The following GIMAP7 variants were observed in gnomAD, a reference collection of about 807,000 sequenced individuals.
GIMAP7 encodes the protein GTPase, IMAP family member 7, also known as GTPase IMAP family member 7.
For synonymous variants in GIMAP7, 137 were observed against 129.3 expected (o/e 1.06, Z -0.40); for missense variants, 323 against 359.7 (o/e 0.90, Z 0.83).
At chr7:150,519,478 T>C (rs1484511765) in intron 1 of GIMAP7, among the ~76,000 whole-genome samples, 1 of 152,188 alleles carries the variant, frequency 6.6e-6, no homozygotes, top group Non-Finnish European at 1.5e-5. Context: ...TTAATCACAG[T>C]CTATTATTTA....
At chr7:150,518,072 T>C (rs1036148130) in intron 1 of GIMAP7, among the ~76,000 whole-genome samples, 7 of 152,162 alleles carry the variant, frequency 4.6e-5, no homozygotes, top group Non-Finnish European at 1.0e-4. Context: ...TATATAGATA[T>C]ATTTCTCATT....
intron 1 of GIMAP7, 114 bp from the exon 2 acceptor site, chr7:150,519,820 T>A (rs1795168488): frequency 1.6e-6 from 1 of 615,032 alleles, no homozygotes; most frequent in Non-Finnish European, 2.8e-6. Flanking sequence ...GTGATTAATA[T>A]GGATAATAGG....
Position 150,520,196 on chromosome 7 carries a change from G to C in GIMAP7, c.222G>C (p.Leu74=). 1 of 1,614,122 alleles carries C rather than the reference G, an allele frequency of 6.2e-7. No homozygotes were observed. The highest frequency in any genetic ancestry group is 8.5e-7 in the Non-Finnish European group (1 of 1,179,992). ...GGCTCTTTGACACCAAGGAGAGCCT[G>C]GACACCACCTGCAAGGAAATCAGCC... ...TPGLFDTKES[L]DTTCKEISRC... is the part of the protein sequence containing the mutation. Residue 74 remains leucine (L), a synonymous_variant, in exon 2 of 2, where the codon CTG becomes CTC. Coordinates refer to ENST00000313543, the MANE Select transcript of GIMAP7 (RefSeq NM_153236.4).
intron 1 of GIMAP7, among the ~76,000 whole-genome samples, chr7:150,516,495 T>C (rs775749731): frequency 9.2e-5 from 14 of 152,228 alleles, no homozygotes; most frequent in Admixed American, 3.3e-4. Context: ...TAAAAACATT[T>C]CCACAATTTC....
intron 1 of GIMAP7, among the ~76,000 whole-genome samples, chr7:150,516,939 T>A (rs1183786158): frequency 6.6e-6 from 1 of 152,206 alleles, no homozygotes; most frequent in African/African-American, 2.4e-5. Context: ...CCTCTCTTTT[T>A]GTGATGTTAG....
intron 1 of GIMAP7, among the ~76,000 whole-genome samples, chr7:150,516,004 G>C (rs941996551): frequency 6.6e-6 from 1 of 152,356 alleles, no homozygotes; most frequent in East Asian, 1.9e-4. Flanking sequence ...GCACGGTTAA[G>C]AGTGAGCATG....
Position 150,520,756 on chromosome 7 carries a change from TAAAA to T in GIMAP7, c.785_788del (p.Lys262IlefsTer2). On this transcript the variant is annotated frameshift_variant, in exon 2 of 2. Transcript: ENST00000313543. LOFTEE classifies it low-confidence loss of function (END_TRUNC). ...CTAAAATTAAAATATGATGAAAAAA[TAAAA>T]AATATAAGGGAAGAAGCTGAGAGAA... 2 of 1,500,968 alleles carry T rather than the reference TAAAA, an allele frequency of 1.3e-6. No individual in the cohort carries two copies. Among genetic ancestry groups the T allele is most frequent in the South Asian group, 2.5e-5 (2 of 80,030 alleles). 93.0% of individuals were successfully genotyped at this position (1,500,968 alleles called of 1,614,324 possible). A position where few individuals can be genotyped will look rare whatever the true frequency, so the allele number is the denominator to read the frequency against.
intron 1 of GIMAP7, 114 bp from the exon 2 acceptor site, chr7:150,519,820 T>C: frequency 1.6e-6 from 1 of 615,150 alleles, no homozygotes; most frequent in Non-Finnish European, 2.8e-6. Flanking sequence ...GTGATTAATA[T>C]GGATAATAGG....
rs191053202 is a variant in GIMAP7, at chr7:150,517,743, A to C, written c.-41-2191A>C. On this transcript the variant is annotated intron_variant, in intron 1 of 1. Coordinates refer to ENST00000313543, the MANE Select transcript of GIMAP7 (RefSeq NM_153236.4). ...ACTTTTACTGGTGTTTTAAAATATA[A>C]TTTTTATTGTATAATTATGTAAACT... is the stretch of plus-strand genomic sequence containing the variant. Among the ~76,000 whole-genome samples the C allele has an allele frequency of 4.0e-3, 602 of 152,182 alleles. 44 individuals carry two copies. The South Asian group carries it at 0.12, about 30-fold the overall frequency.
chr7:150,515,945 G>GA (rs1230836798), intron 1 of GIMAP7, among the ~76,000 whole-genome samples: 1 of 152,192 alleles, frequency 6.6e-6, no homozygotes, highest in Admixed American at 6.5e-5. Context: ...CCATGTCAAT[G>GA]AAAATTTAGA....
rs1356663912 is a variant in GIMAP7 at position 150,520,148 on chromosome 7, C to T, written c.174C>T (p.Asp58=). Reference sequence around the variant, plus strand: ...CATCCCGGGAATGGCAGGGGAGAGACCTTCTTGTTGTAGACACTCCAGGGC... The same window carrying T: ...CATCCCGGGAATGGCAGGGGAGAGATCTTCTTGTTGTAGACACTCCAGGGC... ...QKASREWQGR[D]LLVVDTPGLF... The change falls in exon 2 of 2, where the codon GAC becomes GAT. Residue 58 remains aspartate (D), a synonymous_variant. Coordinates refer to ENST00000313543, the MANE Select transcript of GIMAP7 (RefSeq NM_153236.4). 9 of 1,613,994 alleles carry T rather than the reference C, an allele frequency of 5.6e-6. No homozygotes were observed. Among genetic ancestry groups the T allele is most frequent in the Non-Finnish European group, 7.6e-6 (9 of 1,180,010 alleles).
chr7:150,520,824 C>A lies in GIMAP7; in HGVS notation c.850C>A (p.Leu284Ile). The A allele has an allele frequency of 6.6e-7, 1 of 1,507,074 alleles. No homozygotes were observed. The highest frequency in any genetic ancestry group is 8.9e-7 in the Non-Finnish European group (1 of 1,127,248). The allele number at this position is 1,507,074 out of a possible 1,614,324, so 93.4% of individuals were successfully genotyped here. A position where few individuals can be genotyped will look rare whatever the true frequency, so the allele number is the denominator to read the frequency against. Residue 284 changes from leucine (L) to isoleucine (I), a missense_variant, in exon 2 of 2, where the codon CTT (leucine) becomes ATT (isoleucine). By Grantham distance (5) the Leu-to-Ile change is conservative. Coordinates refer to ENST00000313543, the MANE Select transcript of GIMAP7 (RefSeq NM_153236.4). ...TGTTTTTAATAGGATTTGGAAGATG[C>A]TTTCAGAAATATGGCATAGGTTTTT... ...KDVFNRIWKM[L>I]SEIWHRFLSK...
chr7:150,515,338 G>A (rs1795123581), intron 1 of GIMAP7, among the ~76,000 whole-genome samples: 1 of 152,152 alleles, frequency 6.6e-6, no homozygotes, highest in South Asian at 2.1e-4. Flanking sequence ...CAATCCCAGA[G>A]ATTTTGATGA....
Position 150,521,012 on chromosome 7 carries a change from A to AC in GIMAP7, c.*135_*136insC. Reference sequence around the variant, plus strand: ...GTTTAATGTATATAATGTGATTTTTAAATATATATATATATATACACACAT... The same window carrying AC: ...GTTTAATGTATATAATGTGATTTTTACAATATATATATATATATACACACAT... On this transcript the variant is annotated 3_prime_UTR_variant, in exon 2 of 2. Coordinates refer to ENST00000313543, the MANE Select transcript of GIMAP7 (RefSeq NM_153236.4). 4.0e-6 allele frequency: 1 copy of AC among 248,534 alleles called. No individual in the cohort carries two copies. Among genetic ancestry groups the AC allele is most frequent in the Admixed American group, 6.6e-5 (1 of 15,176 alleles). The allele number at this position is 248,534 out of a possible 1,614,324, so 15.4% of individuals were successfully genotyped here. A position where few individuals can be genotyped will look rare whatever the true frequency, so the allele number is the denominator to read the frequency against.
chr7:150,521,013 A>AATATATATAT lies in GIMAP7; in HGVS notation c.*144_*153dup, dbSNP rs60687169. 4.0e-3 allele frequency: 966 copies of AATATATATAT among 238,886 alleles called. 6 individuals carry two copies. The highest frequency in any genetic ancestry group is 0.018 in the African/African-American group (667 of 37,346). 14.8% of individuals were successfully genotyped at this position (238,886 alleles called of 1,614,324 possible). A position where few individuals can be genotyped will look rare whatever the true frequency, so the allele number is the denominator to read the frequency against. On this transcript the variant is annotated 3_prime_UTR_variant, in exon 2 of 2. Transcript: ENST00000313543. ...TTTAATGTATATAATGTGATTTTTA[A>AATATATATAT]ATATATATATATATATACACACATT... is the stretch of plus-strand genomic sequence containing the variant.
intron 1 of GIMAP7, among the ~76,000 whole-genome samples, chr7:150,515,342 T>G (rs1438475990): frequency 6.6e-6 from 1 of 152,146 alleles, no homozygotes; most frequent in Non-Finnish European, 1.5e-5. Flanking sequence ...CCCAGAGATT[T>G]TGATGATTCT....
chr7:150,520,400 C>T lies in GIMAP7; in HGVS notation c.426C>T (p.Phe142=). The T allele has an allele frequency of 6.2e-7, 1 of 1,614,210 alleles. No individual in the cohort carries two copies. Among genetic ancestry groups the T allele is most frequent in the African/African-American group, 1.3e-5 (1 of 75,046 alleles). Residue 142 remains phenylalanine (F), a synonymous_variant, in exon 2 of 2, where the codon TTC becomes TTT. Transcript: ENST00000313543. ...TRKEELEGQS[F]HDFIADADVG... Reference sequence around the variant, plus strand: ...AAGAAGAGTTGGAGGGCCAGAGCTTCCATGACTTCATAGCAGATGCGGATG... The same window carrying T: ...AAGAAGAGTTGGAGGGCCAGAGCTTTCATGACTTCATAGCAGATGCGGATG...
chr7:150,520,540 T>G lies in GIMAP7; in HGVS notation c.566T>G (p.Ile189Arg). Residue 189 changes from isoleucine (I) to arginine (R), a missense_variant, in exon 2 of 2, where the codon ATA becomes AGA. By Grantham distance (97) the Ile-to-Arg change is moderately conservative. Transcript: ENST00000313543. Reference sequence around the variant, plus strand: ...CAAGTGCAGGAGTTGGTGGAGCTGATAGAGAAAATGGTGCAGTGCAACGAA... The same window carrying G: ...CAAGTGCAGGAGTTGGTGGAGCTGAGAGAGAAAATGGTGCAGTGCAACGAA... Reference protein sequence around the residue: ...ESQVQELVELIEKMVQCNEGA... With the variant: ...ESQVQELVELREKMVQCNEGA... 3 of 1,614,082 alleles carry G rather than the reference T, an allele frequency of 1.9e-6. No homozygotes were observed. Among genetic ancestry groups the G allele is most frequent in the Non-Finnish European group, 1.7e-6 (2 of 1,180,022 alleles).
intron 1 of GIMAP7, among the ~76,000 whole-genome samples, chr7:150,516,736 A>G (rs1795140411): frequency 1.3e-5 from 2 of 152,210 alleles, no homozygotes; most frequent in Non-Finnish European, 2.9e-5. Flanking sequence ...TGTCCAACAG[A>G]ACTGGGCAGT....
Sources: gnomAD v4.1 joint callset for allele counts (sites outside exome capture counted in the v4.1 genomes callset) on GRCh38, gnomAD v4.1.1 for gene constraint, MANE v1.5 for transcripts, NCBI Gene and HGNC (gene_info 2026-07-23, HGNC 2026-07-21) for gene names.